BLOC1S1: variants seen among roughly 807,000 people sequenced by gnomAD.
BLOC1S1 encodes biogenesis of lysosomal organelles complex 1 subunit 1.
In BLOC1S1, 11 loss-of-function variants were observed where a neutral mutation model predicts 19.0. The observed-to-expected ratio is 0.58, with a 90% CI of 0.37 to 0.96. The LOEUF (loss-of-function observed/expected upper bound fraction) is 0.96, where lower values mean the gene tolerates loss of function less well. Among genes scored for constraint, BLOC1S1 ranks in the 40% least tolerant of loss-of-function variants. BLOC1S1 has a pLI of 0.01. For missense variants in BLOC1S1, 220 were observed against 195.9 expected, an observed-to-expected ratio of 1.12 and a Z score of -0.73; for synonymous variants, 94 against 76.4, an observed-to-expected ratio of 1.23 and a Z score of -1.20.
intron 1 of BLOC1S1, chr12:55,716,430 C>G (rs538637254): frequency 2.2e-6 from 3 of 1,371,868 alleles, no homozygotes; most frequent in Non-Finnish European, 2.8e-6. Context: ...AATCCCCGAC[C>G]TGCCGCACCT....
chr12:55,716,387 G>C, intron 1 of BLOC1S1, 191 bp downstream of exon 1: 1 of 1,420,806 alleles, frequency 7.0e-7, no homozygotes, highest in Non-Finnish European at 9.1e-7. Flanking sequence ...CCGGTCCCTT[G>C]GGCAATACTC....
intron 2 of BLOC1S1, 49 bp downstream of exon 2, chr12:55,717,054 A>G: frequency 6.7e-7 from 1 of 1,502,526 alleles, no homozygotes; most frequent in African/African-American, 1.4e-5. Context: ...ACCCCGCCCA[A>G]GTTTAGGCAC....
intron 1 of BLOC1S1, 190 bp from the exon 2 acceptor site, chr12:55,716,743 C>A: frequency 7.9e-7 from 1 of 1,267,068 alleles, no homozygotes; most frequent in Non-Finnish European, 1.0e-6. Context: ...TCCCAGGGTA[C>A]CAGTTTCCTC....
At position 55,716,542 on chromosome 12, in the gene BLOC1S1, C is replaced by T. The variant is rs551324932; in HGVS notation, c.145+346C>T. Reference sequence around the variant, plus strand: ...TCTGGAGGGAGGAGGGTGTGGGGAACCCCCCAGAGATGGGCTTCTTGGAGG... The same window carrying T: ...TCTGGAGGGAGGAGGGTGTGGGGAATCCCCCAGAGATGGGCTTCTTGGAGG... On this transcript the variant is annotated intron_variant, in intron 1 of 3. Transcript: ENST00000548925. 97 of 1,223,696 alleles carry T rather than the reference C, an allele frequency of 7.9e-5. No individual in the cohort carries two copies. In the East Asian group the frequency reaches 4.0e-3, roughly 50 times the overall value. 75.8% of individuals were successfully genotyped at this position (1,223,696 alleles called of 1,614,324 possible).
chr12:55,719,401 G>C, intron 3 of BLOC1S1, 98 bp from the exon 4 acceptor site: 19 of 1,453,912 alleles, frequency 1.3e-5, no homozygotes, highest in Non-Finnish European at 1.6e-5. Context: ...TCCAAGTAAA[G>C]CCTTTTCCAG....
Position 55,717,011 on chromosome 12 carries a change from GA to G in BLOC1S1, c.218+7del, listed in dbSNP as rs1876606405. The G allele has an allele frequency of 6.3e-7, 1 of 1,577,872 alleles. No individual in the cohort carries two copies. The highest frequency in any genetic ancestry group is 8.6e-7 in the Non-Finnish European group (1 of 1,164,550). ...GTGGATCACCTCAATGTGGGGTATG[GA>G]CCTCTTATCAACATCAGTTTCCTCC... On this transcript the variant is annotated splice_region_variant and intron_variant, in intron 2 of 3. Coordinates refer to ENST00000548925, the MANE Select transcript of BLOC1S1 (RefSeq NM_001487.4).
intron 1 of BLOC1S1, 69 bp from the exon 2 acceptor site, chr12:55,716,864 A>G: frequency 6.9e-7 from 1 of 1,454,214 alleles, no homozygotes; most frequent in Non-Finnish European, 9.3e-7. Flanking sequence ...ATGGATGGGT[A>G]GGGAACCTTT....
chr12:55,719,011 C>A, intron 2 of BLOC1S1, 80 bp from the exon 3 acceptor site: 1 of 1,523,058 alleles, frequency 6.6e-7, no homozygotes. Flanking sequence ...GCTGAACTCC[C>A]ACTGCTGCAA....
In BLOC1S1 at chr12:55,716,080, C is replaced by T; in HGVS notation, c.29C>T (p.Ser10Phe). The T allele has an allele frequency of 1.3e-6, 2 of 1,577,270 alleles. No individual in the cohort carries two copies. Among genetic ancestry groups the T allele is most frequent in the Non-Finnish European group, 8.6e-7 (1 of 1,162,210 alleles). The change falls in exon 1 of 4, where the codon TCC (serine) becomes TTC (phenylalanine). Residue 10 changes from serine to phenylalanine, a missense_variant. Physicochemically the swap from Ser to Phe is radical, Grantham distance 155 (BLOSUM62 -2). Transcript: ENST00000548925. MAPGSRGER[S>F]SFRSRRGPGV... ...GCCCCGGGGAGCCGAGGTGAGCGTT[C>T]CAGCTTCCGGAGCCGGAGGGGGCCC... is the stretch of plus-strand genomic sequence containing the variant.
chr12:55,716,089 G>T lies in BLOC1S1; in HGVS notation c.38G>T (p.Arg13Leu). Residue 13 changes from arginine (R) to leucine (L), a missense_variant, in exon 1 of 4, where the codon CGG becomes CTG. Transcript: ENST00000548925. ...AGCCGAGGTGAGCGTTCCAGCTTCC[G>T]GAGCCGGAGGGGGCCCGGCGTACCC... ...PGSRGERSSF[R>L]SRRGPGVPSP... The T allele has an allele frequency of 6.3e-7, 1 of 1,585,444 alleles. No homozygotes were observed.
At chr12:55,716,294 C>A in intron 1 of BLOC1S1, 98 bp downstream of exon 1, 2 of 1,514,540 alleles carry the variant, frequency 1.3e-6, no homozygotes, top group Non-Finnish European at 1.8e-6. Context: ...CAGGGAAAGA[C>A]GCCAGCTAGC....
At chr12:55,716,220 G>A (rs1462574618) in intron 1 of BLOC1S1, 24 bp downstream of exon 1, 4 of 1,590,698 alleles carry the variant, frequency 2.5e-6, no homozygotes, top group East Asian at 2.3e-5. Context: ...CCTGTCGGCC[G>A]TTTTCTCTTC....
intron 3 of BLOC1S1, 58 bp from the exon 4 acceptor site, chr12:55,719,441 G>A: frequency 6.5e-7 from 1 of 1,528,906 alleles, no homozygotes; most frequent in Non-Finnish European, 9.1e-7. Flanking sequence ...CCCCAGACTG[G>A]AAGCCATACT....
chr12:55,716,452 C>A, intron 1 of BLOC1S1: 1 of 1,344,826 alleles, frequency 7.4e-7, no homozygotes, highest in Non-Finnish European at 9.5e-7. Flanking sequence ...AGCCCCGCCC[C>A]TGCCCCGGAG....
chr12:55,716,157 G>A lies in BLOC1S1; in HGVS notation c.106G>A (p.Glu36Lys). Residue 36 changes from glutamate to lysine, a missense_variant, in exon 1 of 4, where the codon GAA becomes AAA. Transcript: ENST00000548925. ...GACCATGCTGTCCCGCCTCCTAAAA[G>A]AACACCAGGCCAAGCAGAATGAACG... ...DVTMLSRLLK[E>K]HQAKQNERKE... The A allele has an allele frequency of 6.2e-7, 1 of 1,612,602 alleles. No homozygotes were observed. The highest frequency in any genetic ancestry group is 8.5e-7 in the Non-Finnish European group (1 of 1,179,294).
In BLOC1S1 at chr12:55,716,981, C is replaced by T. The variant is rs774046104; in HGVS notation, c.194C>T (p.Ala65Val). 1.9e-6 allele frequency: 3 copies of T among 1,598,864 alleles called. No homozygotes were observed. Among genetic ancestry groups the T allele is most frequent in the Non-Finnish European group, 8.5e-7 (1 of 1,173,672 alleles). The change falls in exon 2 of 4, where the codon GCT becomes GTT. Residue 65 changes from alanine (A) to valine (V), a missense_variant. By Grantham distance (64) the Ala-to-Val change is moderately conservative. Coordinates refer to ENST00000548925, the MANE Select transcript of BLOC1S1 (RefSeq NM_001487.4). ...AITAATCLTE[A>V]LVDHLNVGVA... ...ACTGCAGCGACCTGCCTGACAGAAG[C>T]TTTGGTGGATCACCTCAATGTGGGG...
chr12:55,716,104 C>G lies in BLOC1S1; in HGVS notation c.53C>G (p.Pro18Arg), dbSNP rs760836371. The change falls in exon 1 of 4, where the codon CCC (proline) becomes CGC (arginine). Residue 18 changes from proline (P) to arginine (R), a missense_variant. By Grantham distance (103) the Pro-to-Arg change is moderately radical. Transcript: ENST00000548925. ...ERSSFRSRRG[P>R]GVPSPQPDVT... Reference sequence around the variant, plus strand: ...TCCAGCTTCCGGAGCCGGAGGGGGCCCGGCGTACCCAGCCCCCAGCCCGAC... The same window carrying G: ...TCCAGCTTCCGGAGCCGGAGGGGGCGCGGCGTACCCAGCCCCCAGCCCGAC... 3.1e-6 allele frequency: 5 copies of G among 1,600,528 alleles called. No homozygotes were observed. The highest frequency in any genetic ancestry group is 1.6e-4 in the Middle Eastern group (1 of 6,062).
chr12:55,719,344 C>A (rs1157882731), intron 3 of BLOC1S1, 121 bp downstream of exon 3: 2 of 1,522,874 alleles, frequency 1.3e-6, no homozygotes, highest in African/African-American at 1.4e-5. Context: ...CCATCTATAG[C>A]CCCAGTGTCA....
chr12:55,717,133 G>T (rs1484902023), intron 2 of BLOC1S1, 128 bp downstream of exon 2: 4 of 655,016 alleles, frequency 6.1e-6, no homozygotes, highest in Non-Finnish European at 9.9e-6. Flanking sequence ...ATCCTACCCC[G>T]CCCCTCCCAG....
Sources: gnomAD v4.1 joint callset for allele counts on GRCh38, gnomAD v4.1.1 for gene constraint, MANE v1.5 for transcripts, NCBI Gene and HGNC (gene_info 2026-07-23, HGNC 2026-07-21) for gene names.